PRSS48: variants seen among roughly 807,000 people sequenced by gnomAD.
PRSS48 encodes the protein serine protease 48.
In PRSS48, 21 loss-of-function variants were observed where a neutral mutation model predicts 25.6. The observed-to-expected ratio is 0.82, with a 90% confidence interval of 0.58 to 1.18. The LOEUF is 1.18. PRSS48 is among the 50% of genes most tolerant of loss of function. The pLI, the probability that PRSS48 is intolerant of heterozygous loss-of-function variation, is 0.00. For synonymous variants in PRSS48, 150 were observed against 149.3 expected (o/e 1.00, Z -0.04); for missense variants, 373 against 399.3 (o/e 0.93, Z 0.56).
rs533482070 is a variant in PRSS48 at position 151,286,198 on chromosome 4, A to C, written c.651+2912A>C. Reference sequence around the variant, plus strand: ...CCTGTCTTAAAGAAAAAAAAAAAAAAAAAAAACAACTAAACCTAAAGAAAA... The same window carrying C: ...CCTGTCTTAAAGAAAAAAAAAAAAACAAAAAACAACTAAACCTAAAGAAAA... On this transcript the variant is annotated intron_variant, in intron 4 of 4. Coordinates refer to ENST00000455694, the Ensembl canonical transcript of PRSS48. 2.0e-3 allele frequency among the ~76,000 whole-genome samples: 305 copies of C among 149,984 alleles called. 1 individual carries two copies. Among genetic ancestry groups the C allele is most frequent in the Admixed American group, 3.4e-3 (51 of 15,100 alleles).
chr4:151,286,543 G>A (rs1379930742), intron 4 of PRSS48, among the ~76,000 whole-genome samples: 1 of 146,606 alleles, frequency 6.8e-6, no homozygotes, highest in Admixed American at 6.8e-5. Flanking sequence ...ACTTACCTAA[G>A]AAGAAATAGA....
At chr4:151,284,188 C>T (rs910131226) in intron 4 of PRSS48, among the ~76,000 whole-genome samples, 1 of 152,194 alleles carries the variant, frequency 6.6e-6, no homozygotes, top group East Asian at 1.9e-4. Context: ...TCTCTCTCCT[C>T]CCCTTCTAGA....
At chr4:151,291,584 T>C, downstream of PRSS48, 2 of 628,602 alleles carry the variant, frequency 3.2e-6, no homozygotes, top group Non-Finnish European at 5.5e-6. Flanking sequence ...CTGTCACTTC[T>C]GTACATTCTT....
At chr4:151,282,462 C>T in intron 3 of PRSS48, 49 bp downstream of exon 3, 1 of 1,590,978 alleles carries the variant, frequency 6.3e-7, no homozygotes, top group Admixed American at 1.7e-5. Flanking sequence ...TCCTCTTGTA[C>T]TCCAGAACAT....
exon 3 of PRSS48, chr4:151,282,305 A>G: frequency 1.2e-6 from 2 of 1,613,888 alleles, no homozygotes; most frequent in Non-Finnish European, 1.7e-6. Flanking sequence ...CTCTCAAGTC[A>G]CCTTCACTTC....
intron 4 of PRSS48, among the ~76,000 whole-genome samples, chr4:151,289,471 T>C (rs548827338): frequency 6.6e-6 from 1 of 152,226 alleles, no homozygotes; most frequent in South Asian, 2.1e-4. Flanking sequence ...TATTTGCAAA[T>C]CATATATGTA....
chr4:151,285,145 T>G (rs1774624101), intron 4 of PRSS48, among the ~76,000 whole-genome samples: 1 of 152,220 alleles, frequency 6.6e-6, no homozygotes, highest in African/African-American at 2.4e-5. Context: ...GACTCTAGTT[T>G]CTGCCTGCTA....
chr4:151,290,959 G>C (rs1580424970), intron 4 of PRSS48, among the ~76,000 whole-genome samples, 159 bp from the exon 5 acceptor site: 1 of 152,116 alleles, frequency 6.6e-6, no homozygotes, highest in African/African-American at 2.4e-5. Flanking sequence ...TAAAATTCCT[G>C]TGATATCTCC....
intron 4 of PRSS48, among the ~76,000 whole-genome samples, chr4:151,286,734 C>T (rs1774827745): frequency 6.6e-6 from 1 of 151,732 alleles, no homozygotes; most frequent in Non-Finnish European, 1.5e-5. Flanking sequence ...AACCCCAGTA[C>T]TTTAGGAGGC....
rs768084103 is a variant in PRSS48, at chr4:151,279,928, T to A, written c.185T>A (p.Leu62Ter). ...GGAGGTTCCCTCGTCAGTGAGAGGTTGATACTGACAGCAGCACACTGCATA... is the reference window on the plus strand; with the variant it reads ...GGAGGTTCCCTCGTCAGTGAGAGGTAGATACTGACAGCAGCACACTGCATA... Residue 62 changes from leucine (L) to a stop codon, truncating the protein, a stop_gained, in exon 2 of 5, where the codon TTG (leucine) becomes TAG (stop). Coordinates refer to ENST00000455694, the Ensembl canonical transcript of PRSS48. LOFTEE classifies it high-confidence loss of function. 16 of 1,613,444 alleles carry A rather than the reference T, an allele frequency of 9.9e-6. No homozygotes were observed. In the East Asian group the frequency reaches 3.6e-4, roughly 36 times the overall value.
At chr4:151,279,240 A>ATT (rs34523834) in intron 1 of PRSS48, 1,259 of 206,584 alleles carry the variant, frequency 6.1e-3, no homozygotes, top group Non-Finnish European at 9.6e-3. Flanking sequence ...TTCTTTTTCA[A>ATT]TTTTTTTTTT....
chr4:151,277,406 T>TAC (rs1200451617), intron 1 of PRSS48, among the ~76,000 whole-genome samples, 182 bp downstream of exon 1: 68 of 151,976 alleles, frequency 4.5e-4, no homozygotes, highest in Non-Finnish European at 1.0e-4. Flanking sequence ...GAAATAGCAG[T>TAC]ACACACACAC....
At chr4:151,280,789 C>T (rs1238453574) in intron 2 of PRSS48, among the ~76,000 whole-genome samples, 1 of 150,028 alleles carries the variant, frequency 6.7e-6, no homozygotes, top group Non-Finnish European at 1.5e-5. Context: ...GACCCTGTCT[C>T]TAAAAAAAAA....
chr4:151,289,725 T>C (rs1285147106), intron 4 of PRSS48, among the ~76,000 whole-genome samples: 1 of 152,192 alleles, frequency 6.6e-6, no homozygotes, highest in Non-Finnish European at 1.5e-5. Context: ...AATTACCATA[T>C]GACCCAGAAA....
intron 4 of PRSS48, among the ~76,000 whole-genome samples, chr4:151,286,600 T>TAA (rs200710507): frequency 1.4e-4 from 19 of 132,800 alleles, no homozygotes; most frequent in South Asian, 2.5e-4. Flanking sequence ...CATTTGTGAT[T>TAA]AAAAAAAAAA....
intron 4 of PRSS48, among the ~76,000 whole-genome samples, chr4:151,288,630 C>A (rs1752763672): frequency 6.6e-6 from 1 of 151,688 alleles, no homozygotes; most frequent in African/African-American, 2.4e-5. Flanking sequence ...GATCTCGCCA[C>A]TGCACTCCAG....
At chr4:151,284,132 G>A (rs930292063) in intron 4 of PRSS48, among the ~76,000 whole-genome samples, 8 of 151,986 alleles carry the variant, frequency 5.3e-5, no homozygotes, top group Non-Finnish European at 1.2e-4. Context: ...ACCAACACTT[G>A]GAAATTTTTC....
At chr4:151,291,332 T>G in exon 5 of PRSS48, 1 of 1,614,008 alleles carries the variant, frequency 6.2e-7, no homozygotes, top group Non-Finnish European at 8.5e-7. Context: ...CTGGCTCTCC[T>G]GCGTCCCTCC....
chr4:151,285,400 A>C (rs1246959139), intron 4 of PRSS48, among the ~76,000 whole-genome samples: 4 of 152,228 alleles, frequency 2.6e-5, no homozygotes, highest in Non-Finnish European at 5.9e-5. Flanking sequence ...AAATTATACA[A>C]ATTATATTTT....
Sources: allele counts gnomAD v4.1 joint callset (sites outside exome capture counted in the v4.1 genomes callset), GRCh38; gene constraint gnomAD v4.1.1; transcripts MANE v1.5; gene names NCBI Gene and HGNC (gene_info 2026-07-23, HGNC 2026-07-21).